The following SGIP1 variants were observed in gnomAD, a reference collection of about 807,000 sequenced individuals.
SGIP1 encodes SH3-containing GRB2-like protein 3-interacting protein 1.
In SGIP1, 38 loss-of-function variants were observed where a neutral mutation model predicts 107.5. The observed-to-expected ratio is 0.35, with a 90% CI of 0.27 to 0.46. The LOEUF is 0.46. Among genes scored for constraint, SGIP1 ranks in the 20% least tolerant of loss-of-function variants. SGIP1 has a pLI of 1.00. For synonymous variants in SGIP1, 365 were observed against 366.1 expected (o/e 1.00, Z 0.03); for missense variants, 929 against 1,019.5 (o/e 0.91, Z 1.21).
chr1:66,720,123 A>G (rs914387902), intron 19 of SGIP1, among the ~76,000 whole-genome samples: 6 of 152,218 alleles, frequency 3.9e-5, no homozygotes, highest in African/African-American at 1.4e-4. Context: ...TAGGATTCAG[A>G]AAATCAATGG....
intron 1 of SGIP1, among the ~76,000 whole-genome samples, chr1:66,562,304 T>C (rs902020115): frequency 2.0e-5 from 3 of 151,952 alleles, no homozygotes; most frequent in Non-Finnish European, 4.4e-5. Flanking sequence ...GCAATAGATA[T>C]TAGAGGAAAT....
chr1:66,588,266 A>G (rs1399865651), intron 1 of SGIP1, among the ~76,000 whole-genome samples: 3 of 151,206 alleles, frequency 2.0e-5, no homozygotes, highest in Admixed American at 6.6e-5. Context: ...TGAAAACATC[A>G]GAGTATTAAG....
intron 1 of SGIP1, among the ~76,000 whole-genome samples, chr1:66,593,334 A>C (rs2064007343): frequency 6.6e-6 from 1 of 152,164 alleles, no homozygotes; most frequent in African/African-American, 2.4e-5. Context: ...TGGATCATTC[A>C]GTAAGAGTAT....
intron 14 of SGIP1, 144 bp from the exon 15 acceptor site, chr1:66,681,725 C>G (rs2086745642): frequency 1.3e-6 from 1 of 765,864 alleles, no homozygotes; most frequent in Admixed American, 3.0e-5. Context: ...GGCTCCTAAT[C>G]CAATAAAGAT....
At chr1:66,670,788 C>T (rs770133729) in intron 9 of SGIP1, among the ~76,000 whole-genome samples, 1 of 152,178 alleles carries the variant, frequency 6.6e-6, no homozygotes, top group Non-Finnish European at 1.5e-5. Context: ...TTTACCCTTT[C>T]TTCCTCTCTA....
intron 17 of SGIP1, 41 bp downstream of exon 17, chr1:66,690,357 G>T (rs1001719491): frequency 2.5e-6 from 4 of 1,610,552 alleles, no homozygotes; most frequent in Admixed American, 1.7e-5. Flanking sequence ...TTGTGGTTTT[G>T]ACTGGCTATT....
chr1:66,598,544 G>T (rs987234437), intron 1 of SGIP1, among the ~76,000 whole-genome samples: 5 of 152,182 alleles, frequency 3.3e-5, no homozygotes, highest in Non-Finnish European at 7.4e-5. Context: ...GATTTAATTG[G>T]CCCACGGTTC....
At chr1:66,563,118 A>G (rs1225480127) in intron 1 of SGIP1, among the ~76,000 whole-genome samples, 1 of 152,032 alleles carries the variant, frequency 6.6e-6, no homozygotes, top group African/African-American at 2.4e-5. Flanking sequence ...ATCAGCTACA[A>G]GAGGAAAACC....
At chr1:66,701,889 A>G (rs1357384383) in intron 18 of SGIP1, among the ~76,000 whole-genome samples, 1 of 152,246 alleles carries the variant, frequency 6.6e-6, no homozygotes, top group East Asian at 1.9e-4. Context: ...ATAAATGTAC[A>G]GAATTCATGT....
intron 1 of SGIP1, among the ~76,000 whole-genome samples, chr1:66,556,952 A>G (rs1224279990): frequency 1.3e-5 from 2 of 152,164 alleles, no homozygotes; most frequent in Non-Finnish European, 1.5e-5. Context: ...CTTGACAAAC[A>G]ACAATTATAA....
At chr1:66,582,858 C>T (rs748935185) in intron 1 of SGIP1, among the ~76,000 whole-genome samples, 1 of 151,226 alleles carries the variant, frequency 6.6e-6, no homozygotes, top group Non-Finnish European at 1.5e-5. Context: ...TTCTTAAATC[C>T]TTAGATCTTT....
At chr1:66,558,909 G>T (rs997452803) in intron 1 of SGIP1, among the ~76,000 whole-genome samples, 2 of 151,912 alleles carry the variant, frequency 1.3e-5, no homozygotes, top group Non-Finnish European at 2.9e-5. Flanking sequence ...GTTGTGATTT[G>T]GTTTCAAAGA....
intron 2 of SGIP1, among the ~76,000 whole-genome samples, chr1:66,630,862 A>C (rs1004638417): frequency 2.3e-5 from 1 of 43,818 alleles, no homozygotes; most frequent in Admixed American, 2.4e-4. Flanking sequence ...AAAGAAAGAA[A>C]GAAAGAAAGA....
At chr1:66,633,223 T>C (rs2075147541) in intron 3 of SGIP1, 129 bp downstream of exon 3, 3 of 679,784 alleles carry the variant, frequency 4.4e-6, no homozygotes, top group East Asian at 5.1e-5. Context: ...CCTCTCACTA[T>C]TGGAATTTTC....
At chr1:66,688,675 ATAAT>A (rs1158599605) in intron 15 of SGIP1, among the ~76,000 whole-genome samples, 2 of 152,244 alleles carry the variant, frequency 1.3e-5, no homozygotes, top group East Asian at 3.8e-4. Context: ...AGTCAAAAGC[ATAAT>A]TCTCTTAACC....
intron 20 of SGIP1, among the ~76,000 whole-genome samples, chr1:66,731,451 C>A (rs551995465): frequency 6.6e-6 from 1 of 152,006 alleles, no homozygotes; most frequent in East Asian, 1.9e-4. Flanking sequence ...ACATACTGGT[C>A]TTATACATAG....
intron 1 of SGIP1, among the ~76,000 whole-genome samples, chr1:66,576,953 C>T (rs2061151415): frequency 6.6e-6 from 1 of 152,304 alleles, no homozygotes. Flanking sequence ...TGGGTCATGC[C>T]TGGTGCTTGG....
chr1:66,736,248 CAAATATTTTAAATAT>C (rs1310926086), intron 21 of SGIP1, among the ~76,000 whole-genome samples: 2,291 of 141,662 alleles, frequency 0.016, 78 homozygotes, highest in African/African-American at 0.057. Context: ...AATATTTATA[CAAATATTTTAAATAT>C]AAATATTTAT....
intron 15 of SGIP1, chr1:66,684,061 A>G (rs2087573440): frequency 6.5e-7 from 1 of 1,548,322 alleles, no homozygotes; most frequent in South Asian, 1.2e-5. Context: ...ATTATTTCAT[A>G]CAACACCACC....
Sources: allele counts gnomAD v4.1 joint callset (sites outside exome capture counted in the v4.1 genomes callset), GRCh38; gene constraint gnomAD v4.1.1; transcripts MANE v1.5; gene names NCBI Gene and HGNC (gene_info 2026-07-23, HGNC 2026-07-21).